The following DNAJB6 variants were observed in gnomAD, a reference collection of about 807,000 sequenced individuals.
DNAJB6 encodes the protein DnaJ heat shock protein family (Hsp40) member B6, also known as dnaJ homolog subfamily B member 6.
DNAJB6 carries 16 observed loss-of-function variants against 42.7 expected under a neutral mutation model. The ratio of observed to expected loss-of-function variants is 0.37; its 90% CI spans 0.25 to 0.57. The LOEUF (loss-of-function observed/expected upper bound fraction) is 0.57, where lower values mean the gene tolerates loss of function less well. DNAJB6 is among the 20% of genes least tolerant of loss of function. The pLI is 0.74. For synonymous variants in DNAJB6, 170 were observed against 163.5 expected (o/e 1.04, Z -0.30); for missense variants, 347 against 416.8 (o/e 0.83, Z 1.46).
At chr7:157,357,349 CGGTGGCATGGGCTGGAGTCT>C (rs1386825448) in intron 1 of DNAJB6, among the ~76,000 whole-genome samples, 13 of 142,896 alleles carry the variant, frequency 9.1e-5, no homozygotes, top group Non-Finnish European at 1.5e-4. Context: ...GGCTGGAGTC[CGGTGGCATGGGCTGGAGTCT>C]GGTGGCACGA....
intron 8 of DNAJB6, 84 bp from the exon 9 acceptor site, chr7:157,409,711 C>T (rs527823814): frequency 8.6e-6 from 12 of 1,390,020 alleles, no homozygotes; most frequent in Non-Finnish European, 1.1e-5. Flanking sequence ...GGAGATCGTG[C>T]GGCCAGCTTC....
At chr7:157,350,125 TC>T (rs1563112270) in intron 1 of DNAJB6, among the ~76,000 whole-genome samples, 2 of 152,182 alleles carry the variant, frequency 1.3e-5, no homozygotes, top group African/African-American at 4.8e-5. Context: ...TGGTCCATTT[TC>T]CCGTCCTGAT....
chr7:157,340,997 T>TGTGTGCGCGCGC (rs902019051), intron 1 of DNAJB6, among the ~76,000 whole-genome samples: 3 of 118,398 alleles, frequency 2.5e-5, no homozygotes, highest in African/African-American at 8.5e-5. Context: ...TGTGTGTGTG[T>TGTGTGCGCGCGC]GCGCGCGCGC....
intron 5 of DNAJB6, among the ~76,000 whole-genome samples, chr7:157,377,299 AC>A (rs1191698532): frequency 6.6e-6 from 1 of 152,098 alleles, no homozygotes; most frequent in Non-Finnish European, 1.5e-5. Flanking sequence ...GACTCCCCAG[AC>A]CCCTTAGGTA....
In DNAJB6 at chr7:157,390,957, C is replaced by A. The variant is rs143753330; in HGVS notation, c.691+5346C>A. ...CTCAAGCATTCCTCCCACCTCAGCCCCTAAGCAGTTGGGACTACAGGTGTG... is the reference window on the plus strand; with the variant it reads ...CTCAAGCATTCCTCCCACCTCAGCCACTAAGCAGTTGGGACTACAGGTGTG... On this transcript the variant is annotated intron_variant, in intron 8 of 9. Transcript: ENST00000262177. 2.1e-3 allele frequency among the ~76,000 whole-genome samples: 322 copies of A among 152,286 alleles called. 2 individuals are homozygous for A. The highest frequency in any genetic ancestry group is 7.1e-3 in the African/African-American group (293 of 41,548).
intron 4 of DNAJB6, 52 bp downstream of exon 4, chr7:157,366,613 G>C: frequency 6.5e-7 from 1 of 1,541,886 alleles, no homozygotes; most frequent in Non-Finnish European, 8.9e-7. Context: ...CAAGTAAGTT[G>C]AGTTTGTAAA....
At position 157,385,156 on chromosome 7, in the gene DNAJB6, AT is replaced by A; in HGVS notation, c.620+150del. ...AATCTTTTGCTCTCCAAATTCATTA[AT>A]TAAAGCCTTTTCTCTTAAATTTTAC... is the stretch of plus-strand genomic sequence containing the variant. On this transcript the variant is annotated intron_variant, in intron 7 of 9. Transcript: ENST00000262177. 9.8e-6 allele frequency: 8 copies of A among 818,654 alleles called. No individual in the cohort carries two copies. The South Asian group carries it at 1.4e-4, about 14-fold the overall frequency. 50.7% of individuals were successfully genotyped at this position (818,654 alleles called of 1,614,324 possible).
At chr7:157,369,732 T>G (rs1041509969) in intron 5 of DNAJB6, among the ~76,000 whole-genome samples, 2 of 139,054 alleles carry the variant, frequency 1.4e-5, no homozygotes, top group African/African-American at 6.0e-5. Context: ...TTCTTCACAT[T>G]ATTATTAAAC....
chr7:157,341,512 G>C (rs538339354), intron 1 of DNAJB6, among the ~76,000 whole-genome samples: 28 of 152,220 alleles, frequency 1.8e-4, no homozygotes, highest in African/African-American at 6.5e-4. Flanking sequence ...TTCCCCCTTT[G>C]ATATTTTTCT....
intron 5 of DNAJB6, among the ~76,000 whole-genome samples, chr7:157,375,128 G>A (rs1800407119): frequency 6.6e-6 from 1 of 152,184 alleles, no homozygotes; most frequent in African/African-American, 2.4e-5. Flanking sequence ...TACTGTGTTG[G>A]GCTTTGACAG....
intron 5 of DNAJB6, chr7:157,369,463 T>C: frequency 2.2e-6 from 1 of 456,158 alleles, no homozygotes; most frequent in South Asian, 1.5e-5. Flanking sequence ...GCTTCTCTTC[T>C]GGGGCACACG....
intron 1 of DNAJB6, chr7:157,337,887 A>T (rs150192628): frequency 8.2e-4 from 125 of 151,764 alleles, no homozygotes; most frequent in African/African-American, 2.9e-3. Context: ...GAATTTTTTA[A>T]AGGATGGGTT....
chr7:157,371,254 T>C (rs1217378447), intron 5 of DNAJB6, among the ~76,000 whole-genome samples: 2 of 152,232 alleles, frequency 1.3e-5, no homozygotes, highest in Non-Finnish European at 2.9e-5. Context: ...ACAAATCATA[T>C]TTACTAGACC....
At chr7:157,363,354 C>A in intron 3 of DNAJB6, 84 bp downstream of exon 3, 1 of 837,470 alleles carries the variant, frequency 1.2e-6, no homozygotes, top group Non-Finnish European at 1.9e-6. Flanking sequence ...CAGGGTAGCA[C>A]AGTATGGACT....
intron 8 of DNAJB6, among the ~76,000 whole-genome samples, chr7:157,397,642 C>A (rs2117152018): frequency 6.6e-6 from 1 of 152,376 alleles, no homozygotes; most frequent in East Asian, 1.9e-4. Flanking sequence ...CTGGGCACGT[C>A]CCCGTGCCGT....
At chr7:157,370,448 A>T (rs77061964) in intron 5 of DNAJB6, among the ~76,000 whole-genome samples, 1 of 152,194 alleles carries the variant, frequency 6.6e-6, no homozygotes. Context: ...CTTTCTTAAC[A>T]TTATGATTAT....
rs960313585 is a variant in DNAJB6 at position 157,409,854 on chromosome 7, C to T, written c.751C>T (p.Pro251Ser). ...ERMRRGQNAL[P>S]AQPAGLRPPK... ...CATGCGGAGAGGCCAGAACGCCCTG[C>T]CAGCCCAGCCTGCCGGCCTCCGCCC... The change falls in exon 9 of 10, where the codon CCA becomes TCA. Residue 251 changes from proline to serine, a missense_variant. This residue lies in a region of DNAJB6 where 264 missense variants were observed against 288.0 expected (regional missense o/e 0.92). Transcript: ENST00000262177. 1.3e-6 allele frequency: 2 copies of T among 1,533,564 alleles called. No homozygotes were observed. Among genetic ancestry groups the T allele is most frequent in the Non-Finnish European group, 1.7e-6 (2 of 1,145,710 alleles). 95.0% of individuals were successfully genotyped at this position (1,533,564 alleles called of 1,614,324 possible). A position where few individuals can be genotyped will look rare whatever the true frequency, so the allele number is the denominator to read the frequency against.
Position 157,416,064 on chromosome 7 carries a change from C to T in DNAJB6, c.947C>T (p.Ser316Leu), listed in dbSNP as rs371304535. 63 of 1,613,948 alleles carry T rather than the reference C, an allele frequency of 3.9e-5. No individual in the cohort carries two copies. The highest frequency in any genetic ancestry group is 4.9e-5 in the Non-Finnish European group (58 of 1,179,994). The stretch of plus-strand genomic sequence containing the variant: ...AAGAAGCAGAAGCAGAGAGAGGAGT[C>T]GAAGAAGAAGAAGTCGACCAAAGGC... ...KRKKQKQREESKKKKSTKGNH is the reference protein window; with the variant it reads ...KRKKQKQREELKKKKSTKGNH The change falls in exon 10 of 10, where the codon TCG becomes TTG. Residue 316 changes from serine (S) to leucine (L), a missense_variant. By Grantham distance (145) the Ser-to-Leu change is moderately radical. Around this residue, in one of 3 missense-constraint regions of DNAJB6, gnomAD observed 264 missense variants for 288.0 expected, o/e 0.92. Coordinates refer to ENST00000262177, the MANE Select transcript of DNAJB6 (RefSeq NM_058246.4).
intron 5 of DNAJB6, among the ~76,000 whole-genome samples, chr7:157,369,659 C>G (rs369531144): frequency 2.7e-4 from 39 of 145,686 alleles, no homozygotes; most frequent in African/African-American, 6.5e-4. Flanking sequence ...TATTATTAAA[C>G]AGGCCCCTTC....
Sources: gnomAD v4.1 joint callset for allele counts (sites outside exome capture counted in the v4.1 genomes callset) on GRCh38, gnomAD v4.1.1 for gene constraint, gnomAD v4.1.1 regional missense constraint, MANE v1.5 for transcripts, NCBI Gene and HGNC (gene_info 2026-07-23, HGNC 2026-07-21) for gene names.